Variants in NEGR1 observed in about 807,000 individuals in gnomAD.
NEGR1 encodes neuronal growth regulator 1.
NEGR1 carries 10 observed loss-of-function variants against 40.9 expected under a neutral mutation model. The observed-to-expected ratio is 0.24, with a 90% confidence interval of 0.15 to 0.42. The LOEUF (loss-of-function observed/expected upper bound fraction) is 0.42, where lower values mean the gene tolerates loss of function less well. Among genes scored for constraint, NEGR1 ranks in the 10% least tolerant of loss-of-function variants. The probability of loss-of-function intolerance (pLI) is 1.00; values close to 1 mark genes in which losing one functional copy is unlikely to be tolerated. For missense variants in NEGR1, 352 were observed against 438.9 expected, an observed-to-expected ratio of 0.80 and a Z score of 1.77; for synonymous variants, 185 against 166.8, an observed-to-expected ratio of 1.11 and a Z score of -0.84.
chr1:71,871,185 G>C (rs1352533715), intron 2 of NEGR1, among the ~76,000 whole-genome samples: 1 of 152,154 alleles, frequency 6.6e-6, no homozygotes, highest in Non-Finnish European at 1.5e-5. Flanking sequence ...AATATATCTT[G>C]TAAAGAAACA....
intron 2 of NEGR1, among the ~76,000 whole-genome samples, chr1:71,877,037 C>G (rs562907364): frequency 6.6e-6 from 1 of 151,398 alleles, no homozygotes; most frequent in Non-Finnish European, 1.5e-5. Context: ...AAATGTAAAA[C>G]TTGAGCAACA....
intron 6 of NEGR1, among the ~76,000 whole-genome samples, chr1:71,443,171 T>C (rs993644900): frequency 6.6e-6 from 1 of 152,210 alleles, no homozygotes; most frequent in Non-Finnish European, 1.5e-5. Flanking sequence ...ATTTATCAAA[T>C]ACAGGATGAT....
intron 1 of NEGR1, among the ~76,000 whole-genome samples, chr1:72,157,893 C>T (rs1557555178): frequency 6.6e-6 from 1 of 152,152 alleles, no homozygotes; most frequent in Admixed American, 6.6e-5. Context: ...AATAAAACTA[C>T]ACACTATGAG....
intron 3 of NEGR1, among the ~76,000 whole-genome samples, chr1:71,699,637 A>C (rs534560928): frequency 6.6e-6 from 1 of 151,962 alleles, no homozygotes; most frequent in Non-Finnish European, 1.5e-5. Flanking sequence ...AATATAAATT[A>C]AAGTATGAGG....
chr1:71,818,314 CA>C (rs527623825), intron 2 of NEGR1, among the ~76,000 whole-genome samples: 59 of 151,878 alleles, frequency 3.9e-4, no homozygotes, highest in African/African-American at 1.4e-3. Context: ...ACTGGATCAA[CA>C]AAATGTGGTG....
intron 2 of NEGR1, among the ~76,000 whole-genome samples, chr1:71,914,001 T>C (rs921042461): frequency 1.3e-5 from 2 of 152,162 alleles, no homozygotes; most frequent in African/African-American, 4.8e-5. Context: ...TCCATTAACA[T>C]AACAATTGCT....
chr1:72,029,191 TAGA>T (rs1646837000), intron 1 of NEGR1, among the ~76,000 whole-genome samples: 1 of 152,002 alleles, frequency 6.6e-6, no homozygotes. Flanking sequence ...TATTCAGAGG[TAGA>T]AGAAGGCTGG....
intron 2 of NEGR1, among the ~76,000 whole-genome samples, chr1:71,852,707 C>A (rs1478108156): frequency 6.7e-6 from 1 of 148,458 alleles, no homozygotes; most frequent in South Asian, 2.1e-4. Flanking sequence ...TAGAAAAAGA[C>A]AAGACTGGAG....
chr1:72,103,339 T>C (rs1468749746), intron 1 of NEGR1, among the ~76,000 whole-genome samples: 1 of 152,084 alleles, frequency 6.6e-6, no homozygotes, highest in African/African-American at 2.4e-5. Context: ...ACCCTCTTTT[T>C]AGAATATGGT....
chr1:71,993,531 A>C (rs764977225), intron 1 of NEGR1, among the ~76,000 whole-genome samples: 13 of 152,338 alleles, frequency 8.5e-5, no homozygotes, highest in Admixed American at 4.6e-4. Flanking sequence ...GGGAAACATT[A>C]TGTAAAACTG....
chr1:71,580,008 G>A (rs1012145280), intron 6 of NEGR1, among the ~76,000 whole-genome samples: 5 of 152,220 alleles, frequency 3.3e-5, no homozygotes, highest in South Asian at 4.1e-4. Context: ...ACATGCACAC[G>A]TATGCTCATT....
chr1:72,186,834 T>G (rs1174621685), intron 1 of NEGR1, among the ~76,000 whole-genome samples: 1 of 151,538 alleles, frequency 6.6e-6, no homozygotes, highest in African/African-American at 2.4e-5. Flanking sequence ...AAAACTGTAA[T>G]TTTTCTGCAA....
intron 1 of NEGR1, among the ~76,000 whole-genome samples, chr1:72,243,980 T>C (rs546513230): frequency 2.0e-5 from 3 of 151,868 alleles, no homozygotes; most frequent in Non-Finnish European, 4.4e-5. Flanking sequence ...GAAAGCTAGA[T>C]TTATCCTTTC....
At chr1:71,740,972 C>T (rs1175413689) in intron 3 of NEGR1, among the ~76,000 whole-genome samples, 3 of 152,186 alleles carry the variant, frequency 2.0e-5, no homozygotes, top group Non-Finnish European at 4.4e-5. Flanking sequence ...GTGAAAGCGA[C>T]ACCCTGCAGA....
At chr1:71,588,544 G>T (rs980764152) in intron 6 of NEGR1, among the ~76,000 whole-genome samples, 3 of 152,012 alleles carry the variant, frequency 2.0e-5, no homozygotes, top group Non-Finnish European at 4.4e-5. Context: ...CCACCATAAA[G>T]TTTGCTTTCT....
chr1:72,064,327 G>A (rs954113447), intron 1 of NEGR1, among the ~76,000 whole-genome samples: 2 of 151,958 alleles, frequency 1.3e-5, no homozygotes, highest in Non-Finnish European at 2.9e-5. Context: ...GTTACCTAAA[G>A]AAAAGAAAGC....
intron 2 of NEGR1, among the ~76,000 whole-genome samples, chr1:71,918,289 A>G (rs1661661210): frequency 6.8e-6 from 1 of 148,064 alleles, no homozygotes; most frequent in South Asian, 2.2e-4. Context: ...TGTCAAAAAC[A>G]AGTGTATGAA....
At chr1:71,865,171 C>A (rs1344065313) in intron 2 of NEGR1, among the ~76,000 whole-genome samples, 1 of 152,128 alleles carries the variant, frequency 6.6e-6, no homozygotes, top group Non-Finnish European at 1.5e-5. Flanking sequence ...TAAAGTAGAT[C>A]ATATCTGAAA....
chr1:71,568,541 C>T lies in NEGR1; in HGVS notation c.940+24276G>A, dbSNP rs191861756. On this transcript the variant is annotated intron_variant, in intron 6 of 6. Coordinates refer to ENST00000357731, the MANE Select transcript of NEGR1 (RefSeq NM_173808.3). ...CCAATCAAGTATTTATTGAAGTTAC[C>T]ATGTGACAAGTTCTGGTTGAGTATT... Among the ~76,000 whole-genome samples, 399 of 152,048 alleles carry T rather than the reference C, an allele frequency of 2.6e-3. 1 individual carries two copies. Among genetic ancestry groups the T allele is most frequent in the Admixed American group, 4.5e-3 (69 of 15,268 alleles).
Sources: allele counts gnomAD v4.1 joint callset (sites outside exome capture counted in the v4.1 genomes callset), GRCh38; gene constraint gnomAD v4.1.1; transcripts MANE v1.5; gene names NCBI Gene and HGNC (gene_info 2026-07-23, HGNC 2026-07-21).